Variants in ARSG observed in about 807,000 individuals in gnomAD.
The protein encoded by ARSG is ASG.
Under a neutral mutation model 50.5 loss-of-function variants are expected in ARSG, and 37 were observed. The observed-to-expected ratio is 0.73, with a 90% CI of 0.56 to 0.96. The LOEUF is 0.96. Among genes scored for constraint, ARSG ranks in the 50% least tolerant of loss-of-function variants. The probability of loss-of-function intolerance (pLI) is 0.00; values close to 1 mark genes in which losing one functional copy is unlikely to be tolerated. For missense variants in ARSG, 629 were observed against 675.3 expected (o/e 0.93, Z 0.76); for synonymous variants, 225 against 254.6 (o/e 0.88, Z 1.11).
chr17:68,364,372 G>C (rs987884540), intron 6 of ARSG, among the ~76,000 whole-genome samples: 3 of 151,972 alleles, frequency 2.0e-5, no homozygotes, highest in Non-Finnish European at 4.4e-5. Context: ...TGTTGTTGTT[G>C]TTTTGTTTTT....
At chr17:68,412,057 GT>G (rs1465964917) in intron 11 of ARSG, among the ~76,000 whole-genome samples, 1 of 152,166 alleles carries the variant, frequency 6.6e-6, no homozygotes, top group Non-Finnish European at 1.5e-5. Context: ...ACACTGATGG[GT>G]CTTGACTCTT....
At chr17:68,366,616 G>A (rs1410875338) in intron 6 of ARSG, among the ~76,000 whole-genome samples, 2 of 152,002 alleles carry the variant, frequency 1.3e-5, no homozygotes, top group Non-Finnish European at 2.9e-5. Flanking sequence ...CACTGTCCAA[G>A]CTGCTAGCCT....
At chr17:68,280,489 G>T (rs187190037) in intron 1 of ARSG, among the ~76,000 whole-genome samples, 1 of 152,202 alleles carries the variant, frequency 6.6e-6, no homozygotes, top group East Asian at 1.9e-4. Context: ...TAATCCACAT[G>T]TCTACACCCA....
rs141394048 is a variant in ARSG at position 68,413,789 on chromosome 17, G to A, written c.1304-6400G>A. The A allele has an allele frequency of 8.2e-3, 1,303 of 158,642 alleles. 10 individuals are homozygous for A. The highest frequency in any genetic ancestry group is 0.023 in the Middle Eastern group (8 of 350). The allele number at this position is 158,642 out of a possible 1,614,324, so 9.8% of individuals were successfully genotyped here. A position where few individuals can be genotyped will look rare whatever the true frequency, so the allele number is the denominator to read the frequency against. ...AGACTCCGTGGGCGTAGGACCCTCC[G>A]AGCCAGGTAAGGGATGTAATCTCCT... On this transcript the variant is annotated intron_variant, in intron 11 of 11. Transcript: ENST00000621439.
intron 2 of ARSG, among the ~76,000 whole-genome samples, chr17:68,310,645 G>A (rs73355917): frequency 2.0e-4 from 30 of 152,234 alleles, no homozygotes; most frequent in Admixed American, 5.9e-4. Context: ...CATGTGGTTC[G>A]GGGGGAATCA....
chr17:68,414,995 T>C (rs1354899351), intron 11 of ARSG, among the ~76,000 whole-genome samples: 3 of 152,188 alleles, frequency 2.0e-5, no homozygotes, highest in Non-Finnish European at 4.4e-5. Context: ...TTGTGTTTCA[T>C]TTATCTTTTT....
intron 2 of ARSG, among the ~76,000 whole-genome samples, chr17:68,310,206 C>T (rs942097930): frequency 2.0e-5 from 3 of 152,082 alleles, no homozygotes; most frequent in Non-Finnish European, 4.4e-5. Flanking sequence ...GTGATCCGCC[C>T]GTCTCGGCCT....
At chr17:68,430,142 C>T in the ARSG span, 43 of 1,613,484 alleles carry the variant, frequency 2.7e-5, no homozygotes, top group Middle Eastern at 1.7e-4. Context: ...CACTCCAGGT[C>T]GAAGGCTCTT....
intron 11 of ARSG, among the ~76,000 whole-genome samples, chr17:68,411,241 G>C (rs1255011267): frequency 3.3e-5 from 5 of 152,132 alleles, no homozygotes; most frequent in Non-Finnish European, 7.3e-5. Flanking sequence ...GATCTTTTCT[G>C]CTTTCTCTTG....
intron 1 of ARSG, among the ~76,000 whole-genome samples, chr17:68,269,673 G>GTTTTTTTTTTTTTTT (rs782421181): frequency 1.8e-4 from 14 of 77,896 alleles, no homozygotes; most frequent in East Asian, 9.2e-4. Flanking sequence ...TTCACTTTAG[G>GTTTTTTTTTTTTTTT]TTTTTTTTTT....
intron 11 of ARSG, among the ~76,000 whole-genome samples, chr17:68,412,300 T>A (rs2082050540): frequency 6.6e-6 from 1 of 152,200 alleles, no homozygotes; most frequent in Admixed American, 6.5e-5. Flanking sequence ...TCAGGAGCTC[T>A]TTTAGGGCAG....
intron 1 of ARSG, among the ~76,000 whole-genome samples, chr17:68,305,583 A>G (rs1196616116): frequency 2.0e-5 from 3 of 152,244 alleles, no homozygotes; most frequent in African/African-American, 7.2e-5. Flanking sequence ...TATTAAAATT[A>G]CATGGCTAGG....
At chr17:68,417,730 T>G (rs1458201955) in intron 11 of ARSG, among the ~76,000 whole-genome samples, 1 of 135,510 alleles carries the variant, frequency 7.4e-6, no homozygotes, top group African/African-American at 2.7e-5. Context: ...TAAGAGTTGC[T>G]GAATTTTTTT....
intron 2 of ARSG, among the ~76,000 whole-genome samples, chr17:68,327,273 G>A (rs2077543963): frequency 6.6e-6 from 1 of 152,104 alleles, no homozygotes; most frequent in South Asian, 2.1e-4. Context: ...ACGCAGGGAG[G>A]TGTACTCGTT....
In ARSG at chr17:68,318,506, G is replaced by T. The variant is rs1392284179; in HGVS notation, c.218+10795G>T. Among the ~76,000 whole-genome samples the T allele has an allele frequency of 3.3e-5, 5 of 152,358 alleles. 1 individual carries two copies. Among genetic ancestry groups the T allele is most frequent in the Admixed American group, 3.3e-4 (5 of 15,308 alleles). On this transcript the variant is annotated intron_variant, in intron 2 of 11. Transcript: ENST00000621439. ...GCTCCTGGGCAGTAATGACTCACAG[G>T]TCTCTTGGGAGAGAGACAGAGAATG...
intron 1 of ARSG, among the ~76,000 whole-genome samples, chr17:68,275,150 G>T (rs1206061750): frequency 6.6e-6 from 1 of 152,156 alleles, no homozygotes; most frequent in African/African-American, 2.4e-5. Context: ...AGTTGCTATG[G>T]GATAGATAAT....
intron 3 of ARSG, 81 bp downstream of exon 3, chr17:68,343,872 G>T: frequency 7.2e-7 from 1 of 1,390,568 alleles, no homozygotes; most frequent in Non-Finnish European, 9.8e-7. Flanking sequence ...CATACTCCCT[G>T]TCTGCTTTCC....
rs3744307 is a variant in ARSG, at chr17:68,271,509, T to C, written c.-552+12083T>C. ...GCATATACTGCGCTTCTTTCCGATT[T>C]TCCTGGATGACTATTTTCGGTGACG... On this transcript the variant is annotated intron_variant, in intron 1 of 11. Transcript: ENST00000448504. This position sits in a 1 kb window ranked among gnomAD's most constrained non-coding sequence, Gnocchi z 5.3. 6.2e-7 allele frequency: 1 copy of C among 1,613,964 alleles called. No homozygotes were observed. Among genetic ancestry groups the C allele is most frequent in the Non-Finnish European group, 8.5e-7 (1 of 1,179,996 alleles).
intron 9 of ARSG, among the ~76,000 whole-genome samples, chr17:68,392,147 G>A (rs964552242): frequency 6.6e-6 from 1 of 152,212 alleles, no homozygotes; most frequent in African/African-American, 2.4e-5. Context: ...AGGGCTACCA[G>A]GGCCTCTTTC....
Sources: gnomAD v4.1 joint callset for allele counts (sites outside exome capture counted in the v4.1 genomes callset) on GRCh38, gnomAD v4.1.1 for gene constraint, Gnocchi (gnomAD v3.1) non-coding constraint, MANE v1.5 for transcripts, NCBI Gene and HGNC (gene_info 2026-07-23, HGNC 2026-07-21) for gene names.